The following SV2C variants were observed in gnomAD, a reference collection of about 807,000 sequenced individuals.
The protein encoded by SV2C is synaptic vesicle glycoprotein 2C.
SV2C carries 49 observed loss-of-function variants against 79.7 expected under a neutral mutation model. That is an observed-to-expected ratio of 0.61 (90% CI 0.49 to 0.78). The LOEUF is 0.78. Ranked by LOEUF, SV2C falls within the 30% of genes least tolerant of loss-of-function variation. SV2C has a pLI of 0.00. For missense variants in SV2C, 833 were observed against 912.9 expected, an observed-to-expected ratio of 0.91 and a Z score of 1.13; for synonymous variants, 334 against 333.2, an observed-to-expected ratio of 1.00 and a Z score of -0.03.
intron 4 of SV2C, among the ~76,000 whole-genome samples, chr5:76,235,185 A>G (rs1745574744): frequency 6.7e-6 from 1 of 149,030 alleles, no homozygotes; most frequent in Non-Finnish European, 1.5e-5. Flanking sequence ...AAGGGCAAAA[A>G]AAAAAAAAAA....
the SV2C span, among the ~76,000 whole-genome samples, chr5:76,040,567 G>A: frequency 1.3e-5 from 2 of 152,186 alleles, no homozygotes. Flanking sequence ...GTGTAGGTTG[G>A]TATAAGGGAG....
chr5:76,132,080 G>A lies in SV2C; in HGVS notation c.330G>A (p.Gly110=), dbSNP rs1309100330. The A allele has an allele frequency of 1.2e-6, 2 of 1,612,450 alleles. No individual in the cohort carries two copies. Among genetic ancestry groups the A allele is most frequent in the Non-Finnish European group, 1.7e-6 (2 of 1,178,984 alleles). Residue 110 remains glycine, a synonymous_variant, in exon 2 of 13, where the codon GGG becomes GGA. Coordinates refer to ENST00000502798, the MANE Select transcript of SV2C (RefSeq NM_014979.4). ...NQAKDSIVSV[G]QPKGDEYKDR... is the part of the protein sequence containing the mutation. The stretch of plus-strand genomic sequence containing the variant: ...CGAAGGACAGCATCGTGTCAGTGGG[G>A]CAGCCCAAGGGCGATGAGTACAAGG...
chr5:76,156,244 A>G (rs1389173110), intron 2 of SV2C, among the ~76,000 whole-genome samples: 1 of 152,192 alleles, frequency 6.6e-6, no homozygotes, highest in Non-Finnish European at 1.5e-5. Flanking sequence ...AGAGATAGTG[A>G]AACAGAATCT....
At chr5:76,155,800 C>A (rs983668813) in intron 2 of SV2C, among the ~76,000 whole-genome samples, 1 of 151,892 alleles carries the variant, frequency 6.6e-6, no homozygotes, top group African/African-American at 2.4e-5. Flanking sequence ...ACCATTGTCT[C>A]CATCTGCAGT....
chr5:76,106,818 T>G (rs1462233439), intron 1 of SV2C, among the ~76,000 whole-genome samples: 2 of 152,198 alleles, frequency 1.3e-5, no homozygotes, highest in Non-Finnish European at 2.9e-5. Flanking sequence ...CTCTTTTTTT[T>G]CATAGCATAT....
chr5:75,877,949 AAAAAAC>A, the SV2C span, among the ~76,000 whole-genome samples: 44 of 149,362 alleles, frequency 2.9e-4, no homozygotes, highest in African/African-American at 6.3e-4. Context: ...AGAAAAAAAA[AAAAAAC>A]AAGTTTCTCT....
the SV2C span, among the ~76,000 whole-genome samples, chr5:75,941,575 G>T: frequency 6.6e-6 from 1 of 152,086 alleles, no homozygotes; most frequent in African/African-American, 2.4e-5. Flanking sequence ...TTTAAGGTAG[G>T]TATATGGCTG....
the SV2C span, among the ~76,000 whole-genome samples, chr5:76,014,659 C>A: frequency 1.3e-5 from 2 of 152,062 alleles, no homozygotes; most frequent in Non-Finnish European, 2.9e-5. Flanking sequence ...CACACATGTG[C>A]GCACACACAT....
chr5:76,091,438 G>A (rs897551517), intron 1 of SV2C, among the ~76,000 whole-genome samples: 1 of 152,218 alleles, frequency 6.6e-6, no homozygotes, highest in Non-Finnish European at 1.5e-5. Context: ...TCACCACAGT[G>A]TTGCCCAGCC....
intron 12 of SV2C, among the ~76,000 whole-genome samples, chr5:76,315,188 G>GCACACA (rs10606819): frequency 0.019 from 2,825 of 145,178 alleles, 26 homozygotes; most frequent in Non-Finnish European, 0.022. Flanking sequence ...ATGGCCAGGC[G>GCACACA]CACACACACA....
At chr5:76,066,550 C>A in the SV2C span, among the ~76,000 whole-genome samples, 5 of 151,408 alleles carry the variant, frequency 3.3e-5, no homozygotes, top group East Asian at 9.7e-4. Context: ...CACATGTATA[C>A]ATATGTAACA....
At chr5:75,961,887 T>C in the SV2C span, among the ~76,000 whole-genome samples, 1 of 152,068 alleles carries the variant, frequency 6.6e-6, no homozygotes, top group South Asian at 2.1e-4. Flanking sequence ...CATAGAAATG[T>C]AAGAAAGGGA....
intron 1 of SV2C, among the ~76,000 whole-genome samples, chr5:76,093,194 G>A (rs573146515): frequency 6.6e-6 from 1 of 152,050 alleles, no homozygotes; most frequent in Non-Finnish European, 1.5e-5. Flanking sequence ...TGCCCCAGAG[G>A]TCCCTTGCAT....
the SV2C span, among the ~76,000 whole-genome samples, chr5:75,934,302 CTTTTTT>C: frequency 7.4e-5 from 8 of 107,830 alleles, no homozygotes; most frequent in South Asian, 6.4e-4. Flanking sequence ...TTCTTTCTTT[CTTTTTT>C]TTTTTTTTTT....
rs145558346 is a variant in SV2C at position 76,194,237 on chromosome 5, G to A, written c.581-682G>A. Among the ~76,000 whole-genome samples, 20 of 152,238 alleles carry A rather than the reference G, an allele frequency of 1.3e-4. No individual in the cohort carries two copies. The East Asian group carries it at 1.9e-3, about 15-fold the overall frequency. On this transcript the variant is annotated intron_variant, in intron 2 of 12. Transcript: ENST00000502798. ...CTTTAGATCACAGCATCCACAGGCC[G>A]CTCCTGATCTATAAAAGCTCACTTT...
the SV2C span, among the ~76,000 whole-genome samples, chr5:75,977,268 CAGG>C: frequency 6.6e-6 from 1 of 152,220 alleles, no homozygotes; most frequent in East Asian, 1.9e-4. Context: ...CTCAAAAAAA[CAGG>C]AGATTTACAG....
the SV2C span, among the ~76,000 whole-genome samples, chr5:75,878,555 A>T: frequency 1.3e-5 from 2 of 152,176 alleles, no homozygotes; most frequent in Non-Finnish European, 2.9e-5. Flanking sequence ...AACTGAGTTC[A>T]AGCCCTAAAC....
rs1023861603 is a variant in SV2C at position 76,333,496 on chromosome 5, G to A, written c.*7949G>A. ...TCTTGGCAATGGTCCTGTCGGTTTT[G>A]GTGTTTGGATTGTTTGGCTTTGTTT... On this transcript the variant is annotated 3_prime_UTR_variant, in exon 13 of 13. Transcript: ENST00000502798. 6.6e-6 allele frequency: 1 copy of A among 152,174 alleles called. No individual in the cohort carries two copies. Among genetic ancestry groups the A allele is most frequent in the Admixed American group, 6.5e-5 (1 of 15,274 alleles). The allele number at this position is 152,174 out of a possible 1,614,324, so 9.4% of individuals were successfully genotyped here.
rs114789876 is a variant in SV2C, at chr5:76,291,196, C to T, written c.1138-25C>T. The T allele has an allele frequency of 4.2e-4, 662 of 1,561,374 alleles. 2 individuals carry two copies. The African/African-American group carries it at 7.5e-3, about 18-fold the overall frequency. On this transcript the variant is annotated intron_variant, in intron 6 of 12. Coordinates refer to ENST00000502798, the MANE Select transcript of SV2C (RefSeq NM_014979.4). ...AGCAACTTCAGAGAAGGTAACTTAG[C>T]GCTTTGGTCTGTTTCTCTCTACAGG... is the stretch of plus-strand genomic sequence containing the variant.
Sources: allele counts gnomAD v4.1 joint callset (sites outside exome capture counted in the v4.1 genomes callset), GRCh38; gene constraint gnomAD v4.1.1; transcripts MANE v1.5; gene names NCBI Gene and HGNC (gene_info 2026-07-23, HGNC 2026-07-21).